TONSL: variants seen among roughly 807,000 people sequenced by gnomAD.
The protein encoded by TONSL is tonsoku-like protein.
In TONSL, 112 loss-of-function variants were observed where a neutral mutation model predicts 147.1. The ratio of observed to expected loss-of-function variants is 0.76; its 90% CI spans 0.65 to 0.89. TONSL has a LOEUF of 0.89. TONSL is among the 40% of genes least tolerant of loss of function. The pLI is 0.00. For missense variants in TONSL, 1,883 were observed against 1,864.6 expected (o/e 1.01, Z -0.18); for synonymous variants, 868 against 801.5 (o/e 1.08, Z -1.40).
At position 144,434,908 on chromosome 8, in the gene TONSL, A is replaced by G. The variant is rs1241096978; in HGVS notation, c.3007-19T>C. 1.2e-6 allele frequency: 2 copies of G among 1,612,952 alleles called. No homozygotes were observed. Among genetic ancestry groups the G allele is most frequent in the Admixed American group, 1.7e-5 (1 of 59,984 alleles). ...CCAACACCTGGAAGGCACCGTCATG[A>G]GCCACCTGGGGGCTCCCCCGGCTCA... On this transcript the variant is annotated intron_variant, in intron 19 of 25. Coordinates refer to ENST00000409379, the MANE Select transcript of TONSL (RefSeq NM_013432.5).
chr8:144,433,291 T>C (rs973447241), intron 22 of TONSL: 11 of 282,134 alleles, frequency 3.9e-5, no homozygotes, highest in Non-Finnish European at 6.8e-5. Flanking sequence ...TTAGCCAGGA[T>C]GGTCTCGATA....
Position 144,432,396 on chromosome 8 carries a change from C to G in TONSL, c.3624G>C (p.Arg1208Ser), listed in dbSNP as rs782429446. The change falls in exon 23 of 26, where the codon AGG becomes AGC. Residue 1208 changes from arginine to serine, a missense_variant. Physicochemically the swap from Arg to Ser is moderately radical, Grantham distance 110. Coordinates refer to ENST00000409379, the MANE Select transcript of TONSL (RefSeq NM_013432.5). Reference protein sequence around the residue: ...YNALGAPALARTLQSLPAGTL... With the variant: ...YNALGAPALASTLQSLPAGTL... ...TGCCGGCGGGCAGGCTCTGCAGGGT[C>G]CTGGCCAGGGCAGGGGCTCCCAGGG... The G allele has an allele frequency of 5.6e-6, 9 of 1,604,610 alleles. No individual in the cohort carries two copies. The East Asian group carries it at 1.8e-4, about 32-fold the overall frequency.
chr8:144,437,309 C>A (rs1479371563), intron 13 of TONSL, among the ~76,000 whole-genome samples: 1 of 152,254 alleles, frequency 6.6e-6, no homozygotes, highest in Non-Finnish European at 1.5e-5. Context: ...AGCATATCCT[C>A]CGCCTCTGTG....
At chr8:144,431,867 T>C (rs1564726415) in intron 23 of TONSL, among the ~76,000 whole-genome samples, 1 of 144,224 alleles carries the variant, frequency 6.9e-6, no homozygotes, top group Non-Finnish European at 1.5e-5. Context: ...TCTCGCTCTG[T>C]CACCCAGGCT....
At chr8:144,439,973 C>G (rs751880194) in intron 11 of TONSL, 48 bp downstream of exon 11, 2 of 821,620 alleles carry the variant, frequency 2.4e-6, no homozygotes, top group Non-Finnish European at 4.2e-6. Flanking sequence ...CCTCTCCAGC[C>G]CGGCCCAGAG....
intron 18 of TONSL, 150 bp from the exon 19 acceptor site, chr8:144,435,320 AC>A: frequency 8.0e-7 from 1 of 1,249,556 alleles, no homozygotes; most frequent in Non-Finnish European, 1.1e-6. Flanking sequence ...AGCCCAGCAC[AC>A]CACCAGCCCC....
In TONSL at chr8:144,438,479, C is replaced by T. The variant is rs774903577; in HGVS notation, c.1645G>A (p.Val549Met). The T allele has an allele frequency of 7.4e-6, 12 of 1,612,586 alleles. No homozygotes were observed. The highest frequency in any genetic ancestry group is 5.0e-5 in the Admixed American group (3 of 59,988). Residue 549 changes from valine (V) to methionine (M), a missense_variant, in exon 13 of 26, where the codon GTG becomes ATG. Coordinates refer to ENST00000409379, the MANE Select transcript of TONSL (RefSeq NM_013432.5). The stretch of plus-strand genomic sequence containing the variant: ...CCCAGAGCGGGGCCCACCTGCCTCA[C>T]AAGGTCCTGGACGCGGCGCAGCTGG... ...EGQLRRVQDL[V>M]RQGHPLNPRD...
Position 144,436,184 on chromosome 8 carries a change from G to A in TONSL, c.2249C>T (p.Ala750Val). Residue 750 changes from alanine (A) to valine (V), a missense_variant, in exon 17 of 26, where the codon GCA becomes GTA. Physicochemically the swap from Ala to Val is moderately conservative, Grantham distance 64. Coordinates refer to ENST00000409379, the MANE Select transcript of TONSL (RefSeq NM_013432.5). ...CTTCTGGGACGGCCGTGCGGGGCCT[G>A]CGCTGTCCTCGCCTTCTGAGCTGCT... ...SSSSSEGEDS[A>V]GPARPSQKRP... 6.3e-7 allele frequency: 1 copy of A among 1,574,922 alleles called. No homozygotes were observed. Among genetic ancestry groups the A allele is most frequent in the African/African-American group, 1.3e-5 (1 of 74,546 alleles).
chr8:144,442,961 T>C (rs2129698634), intron 4 of TONSL, 155 bp from the exon 5 acceptor site: 2 of 1,247,280 alleles, frequency 1.6e-6, no homozygotes, highest in South Asian at 3.1e-5. Context: ...ACAGAGTGGA[T>C]AAAGAGCTGA....
Position 144,435,767 on chromosome 8 carries a change from G to A in TONSL, c.2666C>T (p.Ala889Val), listed in dbSNP as rs529030862. The change falls in exon 17 of 26, where the codon GCG (alanine) becomes GTG (valine). Residue 889 changes from alanine (A) to valine (V), a missense_variant. Transcript: ENST00000409379. ...GCTGCTGGGCCCTGCGTTAACTGGC[G>A]CACTGCAACTCTGCATGCAGGTCAG... ...VRLTCMQSCS[A>V]PVNAGPSSLA... The A allele has an allele frequency of 1.1e-5, 18 of 1,612,860 alleles. No individual in the cohort carries two copies. The highest frequency in any genetic ancestry group is 1.1e-4 in the South Asian group (10 of 91,080).
In TONSL at chr8:144,442,168, A is replaced by G; in HGVS notation, c.751-17T>C. 6.2e-7 allele frequency: 1 copy of G among 1,605,694 alleles called. No individual in the cohort carries two copies. Among genetic ancestry groups the G allele is most frequent in the Admixed American group, 1.7e-5 (1 of 59,214 alleles). On this transcript the variant is annotated splice_polypyrimidine_tract_variant and intron_variant, in intron 6 of 25. Coordinates refer to ENST00000409379, the MANE Select transcript of TONSL (RefSeq NM_013432.5). ...TTGGAGGACCTGGAGAGCAAAGGAC[A>G]GCAAAGGTTTTGCAGAATCCCCAAG...
intron 11 of TONSL, among the ~76,000 whole-genome samples, chr8:144,438,978 CT>C: frequency 6.6e-6 from 1 of 152,128 alleles, no homozygotes; most frequent in Non-Finnish European, 1.5e-5. Flanking sequence ...AGACACACCC[CT>C]GAGCTTTCTG....
Position 144,435,651 on chromosome 8 carries a change from T to A in TONSL, c.2775+7A>T, listed in dbSNP as rs1373002431. 6.3e-6 allele frequency: 10 copies of A among 1,595,986 alleles called. No individual in the cohort carries two copies. The African/African-American group carries it at 1.1e-4, about 17-fold the overall frequency. On this transcript the variant is annotated splice_region_variant and intron_variant, in intron 17 of 25. Coordinates refer to ENST00000409379, the MANE Select transcript of TONSL (RefSeq NM_013432.5). Reference sequence around the variant, plus strand: ...GAGAGGGCTCTGCTCCAGGTCTGCATACCCACCAAGGGCTGGCCTGCCGCA... The same window carrying A: ...GAGAGGGCTCTGCTCCAGGTCTGCAAACCCACCAAGGGCTGGCCTGCCGCA...
Position 144,440,077 on chromosome 8 carries a change from GC to G in TONSL, c.1423del (p.Ala475GlnfsTer26). 6.3e-7 allele frequency: 1 copy of G among 1,594,780 alleles called. No homozygotes were observed. The highest frequency in any genetic ancestry group is 8.6e-7 in the Non-Finnish European group (1 of 1,164,270). The stretch of plus-strand genomic sequence containing the variant: ...CAGGGCTTCGCTCTCCGCTGTGGCT[GC>G]CGCCTCCTCCGCCTCCTCCTCCTCA... ...EDEEEEAEEA[A>X]ATAESEALEA... On this transcript the variant is annotated frameshift_variant, in exon 11 of 26. Coordinates refer to ENST00000409379, the MANE Select transcript of TONSL (RefSeq NM_013432.5). LOFTEE classifies it high-confidence loss of function.
chr8:144,430,644 A>C (rs1823149903), intron 24 of TONSL, 107 bp from the exon 25 acceptor site: 1 of 1,359,116 alleles, frequency 7.4e-7, no homozygotes, highest in Non-Finnish European at 9.9e-7. Flanking sequence ...CTCGGGCCAG[A>C]CCCAGGGGCT....
Position 144,432,472 on chromosome 8 carries a change from C to G in TONSL, c.3560-12G>C. The G allele has an allele frequency of 6.6e-7, 1 of 1,523,562 alleles. No homozygotes were observed. The highest frequency in any genetic ancestry group is 2.3e-4 in the Middle Eastern group (1 of 4,270). 94.4% of individuals were successfully genotyped at this position (1,523,562 alleles called of 1,614,324 possible). On this transcript the variant is annotated splice_polypyrimidine_tract_variant and intron_variant, in intron 22 of 25. Coordinates refer to ENST00000409379, the MANE Select transcript of TONSL (RefSeq NM_013432.5). ...CAGGTGCTCAGCATCTGCACCGGGG[C>G]CAGAATCCGTCAGCCCCACGTGGCC...
intron 13 of TONSL, chr8:144,438,219 T>C: frequency 1.8e-6 from 1 of 557,512 alleles, no homozygotes; most frequent in South Asian, 2.3e-5. Flanking sequence ...TTAAATTTTT[T>C]TGAAACAGGG....
In TONSL at chr8:144,435,121, A is replaced by G. The variant is rs779333253; in HGVS notation, c.2902T>C (p.Tyr968His). Reference sequence around the variant, plus strand: ...GGCAGCAGCCCGCAGGTCTGGTAGTAGCGCTGGGCCGCCTGCTCGGCCAGC... The same window carrying G: ...GGCAGCAGCCCGCAGGTCTGGTAGTGGCGCTGGGCCGCCTGCTCGGCCAGC... ...AWLAEQAAQR[Y>H]YQTCGLLPRL... The change falls in exon 19 of 26, where the codon TAC becomes CAC. Residue 968 changes from tyrosine to histidine, a missense_variant. Transcript: ENST00000409379. 1.3e-6 allele frequency: 2 copies of G among 1,587,198 alleles called. No homozygotes were observed. The highest frequency in any genetic ancestry group is 1.9e-4 in the Middle Eastern group (1 of 5,318).
chr8:144,432,186 G>A, intron 23 of TONSL, 99 bp downstream of exon 23: 1 of 1,337,542 alleles, frequency 7.5e-7, no homozygotes, highest in South Asian at 1.3e-5. Context: ...CCCTCAGCGA[G>A]TTCAGCCCGA....
Sources: allele counts gnomAD v4.1 joint callset (sites outside exome capture counted in the v4.1 genomes callset), GRCh38; gene constraint gnomAD v4.1.1; transcripts MANE v1.5; gene names NCBI Gene and HGNC (gene_info 2026-07-23, HGNC 2026-07-21).